Variants in PRSS22 observed in about 807,000 individuals in gnomAD.
PRSS22 encodes the protein serine protease 22.
Under a neutral mutation model 28.0 loss-of-function variants are expected in PRSS22, and 26 were observed. The ratio of observed to expected loss-of-function variants is 0.93; its 90% CI spans 0.68 to 1.29. PRSS22 has a LOEUF of 1.29. PRSS22 is among the 50% of genes most tolerant of loss of function. The pLI is 0.00. For synonymous variants in PRSS22, 217 were observed against 177.9 expected (o/e 1.22, Z -1.75); for missense variants, 444 against 422.1 (o/e 1.05, Z -0.46).
Position 2,857,188 on chromosome 16 carries a change from GTCCCCAGCGCCCAGTGAGGAGGGC to G in PRSS22, c.83-364_83-341del, listed in dbSNP as rs1329103486. 9.4e-4 allele frequency: 305 copies of G among 325,724 alleles called. 6 individuals carry two copies. Among genetic ancestry groups the G allele is most frequent in the East Asian group, 1.6e-3 (31 of 19,878 alleles). 20.2% of individuals were successfully genotyped at this position (325,724 alleles called of 1,614,324 possible). On this transcript the variant is annotated intron_variant, in intron 1 of 5. Transcript: ENST00000161006. Reference sequence around the variant, plus strand: ...GGGTCCCAGCACCCAGTGAGGAGGGGTCCCCAGCGCCCAGTGAGGAGGGCTCCCCAGCGCCTAGTGAGGAGGGTT... The same window carrying G: ...GGGTCCCAGCACCCAGTGAGGAGGGGTCCCCAGCGCCTAGTGAGGAGGGTT...
In PRSS22 at chr16:2,853,096, G is replaced by A. The variant is rs34504190; in HGVS notation, c.951C>T (p.Ser317=). The stretch of plus-strand genomic sequence containing the variant: ...GAGCCCCGCGTCCCGCTGCGCCCTA[G>A]GAGCGCGCGGCGGCCCCAGAGCCCT... ...PSQGSGAAAR[S] is the part of the protein sequence containing the mutation. Residue 317 remains serine (S), a synonymous_variant, in exon 6 of 6, where the codon TCC becomes TCT. Transcript: ENST00000161006. The surrounding 1 kb of genome is among the most constrained non-coding windows in gnomAD (Gnocchi z 4.6). 1.3e-6 allele frequency: 2 copies of A among 1,579,286 alleles called. No homozygotes were observed. The highest frequency in any genetic ancestry group is 8.6e-7 in the Non-Finnish European group (1 of 1,166,556).
rs2069455739 is a variant in PRSS22, at chr16:2,856,254, C to G, written c.110-1G>C. 1 of 1,613,250 alleles carries G rather than the reference C, an allele frequency of 6.2e-7. No homozygotes were observed. The highest frequency in any genetic ancestry group is 2.2e-5 in the East Asian group (1 of 44,872). On this transcript the variant is annotated splice_acceptor_variant, in intron 2 of 5. Coordinates refer to ENST00000161006, the MANE Select transcript of PRSS22 (RefSeq NM_022119.4). LOFTEE classifies it high-confidence loss of function. ...TGGGGCTTCCCACAGGCTGGGGGAA[C>G]TGGAGGGTACGGTCAAGTTTTGTTA...
chr16:2,853,796 G>C lies in PRSS22; in HGVS notation c.717+69C>G. 1 of 1,566,964 alleles carries C rather than the reference G, an allele frequency of 6.4e-7. No individual in the cohort carries two copies. The highest frequency in any genetic ancestry group is 8.7e-7 in the Non-Finnish European group (1 of 1,153,330). ...AGGGAGAGGTTGTGGGGCTCAGTGG[G>C]GACAGGACTGACGCTGGCTCCTTCC... On this transcript the variant is annotated intron_variant, in intron 5 of 5. Transcript: ENST00000161006. The surrounding 1 kb of genome is among the most constrained non-coding windows in gnomAD (Gnocchi z 4.6).
chr16:2,858,122 A>G lies in PRSS22; in HGVS notation c.-18T>C. The G allele has an allele frequency of 2.4e-6, 3 of 1,256,512 alleles. No individual in the cohort carries two copies. Among genetic ancestry groups the G allele is most frequent in the Non-Finnish European group, 3.0e-6 (3 of 993,924 alleles). The allele number at this position is 1,256,512 out of a possible 1,614,324, so 77.8% of individuals were successfully genotyped here. ...ACCACCATGGCTGGTGGGGCGGGGGAGCAGGCAGCAGGCTCGAGAGACCCA... is the reference window on the plus strand; with the variant it reads ...ACCACCATGGCTGGTGGGGCGGGGGGGCAGGCAGCAGGCTCGAGAGACCCA... On this transcript the variant is annotated 5_prime_UTR_variant, in exon 1 of 6. Transcript: ENST00000161006.
chr16:2,853,963 C>G lies in PRSS22; in HGVS notation c.619G>C (p.Val207Leu), dbSNP rs775906251. Residue 207 changes from valine to leucine, a missense_variant, in exon 5 of 6, where the codon GTC becomes CTC. Coordinates refer to ENST00000161006, the MANE Select transcript of PRSS22 (RefSeq NM_022119.4). The surrounding 1 kb of genome is among the most constrained non-coding windows in gnomAD (Gnocchi z 4.6). ...CCCCGCCAGTACAGATGGCTGCAGACTTCCGAGTCGATGATAGGAACCTTC... is the reference window on the plus strand; with the variant it reads ...CCCCGCCAGTACAGATGGCTGCAGAGTTCCGAGTCGATGATAGGAACCTTC... The part of the protein sequence containing the change: ...KLKVPIIDSE[V>L]CSHLYWRGAG... The G allele has an allele frequency of 1.9e-6, 3 of 1,614,218 alleles. No individual in the cohort carries two copies. In the South Asian group the frequency reaches 3.3e-5, roughly 18 times the overall value.
rs561215379 is a variant in PRSS22, at chr16:2,853,575, C to G, written c.718-246G>C. ...CCATCTGACCGTCTTCCAGACAGCC[C>G]CTGAGCTACAGCTGGCTCTGGGCAC... On this transcript the variant is annotated intron_variant, in intron 5 of 5. Transcript: ENST00000161006. This position sits in a 1 kb window ranked among gnomAD's most constrained non-coding sequence, Gnocchi z 4.6. Among the ~76,000 whole-genome samples the G allele has an allele frequency of 9.2e-5, 14 of 152,306 alleles. No homozygotes were observed. The highest frequency in any genetic ancestry group is 1.9e-4 in the Non-Finnish European group (13 of 68,018).
At chr16:2,854,973 C>G (rs528553644) in intron 4 of PRSS22, among the ~76,000 whole-genome samples, 8 of 152,132 alleles carry the variant, frequency 5.3e-5, no homozygotes, top group Admixed American at 3.9e-4. Flanking sequence ...ACACACACCC[C>G]CTTTCAGCCA....
At chr16:2,857,885 T>G in intron 1 of PRSS22, 138 bp downstream of exon 1, 2 of 577,270 alleles carry the variant, frequency 3.5e-6, no homozygotes, top group East Asian at 3.5e-5. Flanking sequence ...CACAGAGCAG[T>G]TAAGGAGCAA....
intron 4 of PRSS22, 86 bp from the exon 5 acceptor site, chr16:2,854,108 C>A: frequency 1.4e-6 from 2 of 1,468,300 alleles, no homozygotes; most frequent in South Asian, 2.4e-5. Context: ...AACACCATTC[C>A]TCTCAGCAGC....
rs780390719 is a variant in PRSS22, at chr16:2,855,714, G to C, written c.419C>G (p.Ala140Gly). 1.9e-6 allele frequency: 3 copies of C among 1,614,232 alleles called. No homozygotes were observed. In the Admixed American group the frequency reaches 5.0e-5, roughly 27 times the overall value. Residue 140 changes from alanine (A) to glycine (G), a missense_variant, in exon 4 of 6, where the codon GCA becomes GGA. By Grantham distance (60) the Ala-to-Gly change is moderately conservative (BLOSUM62 0). Coordinates refer to ENST00000161006, the MANE Select transcript of PRSS22 (RefSeq NM_022119.4). ...CTCGAGACGCACCAGGGCAATGTCT[G>C]CACAGGCACCTTCCTTCCAGGAATA... is the stretch of plus-strand genomic sequence containing the variant. ...PVYSWKEGACADIALVRLERS... is the reference protein window; with the variant it reads ...PVYSWKEGACGDIALVRLERS...
Position 2,853,252 on chromosome 16 carries a change from G to T in PRSS22, c.795C>A (p.Gly265=). 1 of 1,600,916 alleles carries T rather than the reference G, an allele frequency of 6.2e-7. No homozygotes were observed. Among genetic ancestry groups the T allele is most frequent in the Non-Finnish European group, 8.5e-7 (1 of 1,179,730 alleles). Reference sequence around the variant, plus strand: ...CCCCGGGCCTGTTGCGCTCGGCACAGCCCTCGCCCCAGCTGATGATGCCGG... The same window carrying T: ...CCCCGGGCCTGTTGCGCTCGGCACATCCCTCGCCCCAGCTGATGATGCCGG... The part of the protein sequence containing the change: ...LLAGIISWGE[G]CAERNRPGVY... The change falls in exon 6 of 6, where the codon GGC becomes GGA. Residue 265 remains glycine (G), a synonymous_variant. Transcript: ENST00000161006. This position sits in a 1 kb window ranked among gnomAD's most constrained non-coding sequence, Gnocchi z 4.6.
At position 2,853,885 on chromosome 16, in the gene PRSS22, C is replaced by T. The variant is rs1407050048; in HGVS notation, c.697G>A (p.Gly233Arg). The T allele has an allele frequency of 1.2e-6, 2 of 1,613,986 alleles. No homozygotes were observed. Residue 233 changes from glycine to arginine, a missense_variant, in exon 5 of 6, where the codon GGG becomes AGG. By Grantham distance (125) the Gly-to-Arg change is moderately radical. Coordinates refer to ENST00000161006, the MANE Select transcript of PRSS22 (RefSeq NM_022119.4). This position sits in a 1 kb window ranked among gnomAD's most constrained non-coding sequence, Gnocchi z 4.6. ...EDMLCAGYLE[G>R]ERDACLGDSG... ...CTCACCAGACAAGCATCCCGCTCCC[C>T]CTCCAAGTAGCCGGCACACAGCATG...
chr16:2,855,475 GC>G, intron 4 of PRSS22, 98 bp downstream of exon 4: 1 of 1,378,964 alleles, frequency 7.3e-7, no homozygotes, highest in Non-Finnish European at 1.0e-6. Context: ...TGTGCCTCTG[GC>G]CTCCACCCTT....
chr16:2,857,989 A>AGAGGGAG, intron 1 of PRSS22, 34 bp downstream of exon 1: 1 of 1,258,534 alleles, frequency 7.9e-7, no homozygotes, highest in Non-Finnish European at 1.0e-6. Context: ...GGTGGAGGTG[A>AGAGGGAG]GAGGGAGGAG....
intron 4 of PRSS22, among the ~76,000 whole-genome samples, chr16:2,855,058 A>G (rs1042575451): frequency 2.0e-5 from 3 of 152,118 alleles, no homozygotes; most frequent in Admixed American, 6.6e-5. Flanking sequence ...CTTTTGAAGT[A>G]GAAATGAGGC....
chr16:2,856,176 A>G lies in PRSS22; in HGVS notation c.187T>C (p.Trp63Arg). 6.2e-7 allele frequency: 1 copy of G among 1,613,876 alleles called. No individual in the cohort carries two copies. Among genetic ancestry groups the G allele is most frequent in the Non-Finnish European group, 8.5e-7 (1 of 1,179,966 alleles). ...GEDSTDSEWP[W>R]IVSIQKNGTH... Reference sequence around the variant, plus strand: ...CCATTCTTCTGGATGCTCACGATCCAGGGCCACTCGCTGTCAGTGCTGTCC... The same window carrying G: ...CCATTCTTCTGGATGCTCACGATCCGGGGCCACTCGCTGTCAGTGCTGTCC... Residue 63 changes from tryptophan to arginine, a missense_variant, in exon 3 of 6, where the codon TGG (tryptophan) becomes CGG (arginine). Physicochemically the swap from Trp to Arg is moderately radical, Grantham distance 101. Coordinates refer to ENST00000161006, the MANE Select transcript of PRSS22 (RefSeq NM_022119.4).
Position 2,857,830 on chromosome 16 carries a change from G to A in PRSS22, c.82+193C>T, listed in dbSNP as rs1325290938. On this transcript the variant is annotated intron_variant, in intron 1 of 5. Transcript: ENST00000161006. ...GGAGACCGAGGCGCGCTGCGTACTT[G>A]CTGCGTTTTCTGTTTCATCCTCACA... is the stretch of plus-strand genomic sequence containing the variant. The A allele has an allele frequency of 2.4e-5, 10 of 416,760 alleles. No individual in the cohort carries two copies. The East Asian group carries it at 3.6e-4, about 15-fold the overall frequency. The allele number at this position is 416,760 out of a possible 1,614,324, so 25.8% of individuals were successfully genotyped here.
intron 4 of PRSS22, 60 bp from the exon 5 acceptor site, chr16:2,854,082 A>G: frequency 6.3e-7 from 1 of 1,584,624 alleles, no homozygotes. Flanking sequence ...GCCTCCTCAA[A>G]GGACTATTCC....
rs1378112742 is a variant in PRSS22, at chr16:2,852,904, A to G, written c.*189T>C. ...CGTTGGGCGGGGCCTGATGCCTTGG[A>G]GGCGGGGCCTGAGGCCGTCGGGCGG... On this transcript the variant is annotated 3_prime_UTR_variant, in exon 6 of 6. Transcript: ENST00000161006. The G allele has an allele frequency of 1.4e-5, 7 of 493,458 alleles. No individual in the cohort carries two copies. The highest frequency in any genetic ancestry group is 3.4e-5 in the African/African-American group (1 of 29,034). The allele number at this position is 493,458 out of a possible 1,614,324, so 30.6% of individuals were successfully genotyped here. A position where few individuals can be genotyped will look rare whatever the true frequency, so the allele number is the denominator to read the frequency against.
Sources: gnomAD v4.1 joint callset for allele counts (sites outside exome capture counted in the v4.1 genomes callset) on GRCh38, gnomAD v4.1.1 for gene constraint, Gnocchi (gnomAD v3.1) non-coding constraint, MANE v1.5 for transcripts, NCBI Gene and HGNC (gene_info 2026-07-23, HGNC 2026-07-21) for gene names.